The following RERE variants were observed in gnomAD, a reference collection of about 807,000 sequenced individuals.
RERE encodes the protein arginine-glutamic acid dipeptide repeats protein.
In RERE, 40 loss-of-function variants were observed where a neutral mutation model predicts 146.1. The observed-to-expected ratio is 0.27, with a 90% CI of 0.21 to 0.36. RERE has a LOEUF of 0.36. RERE is among the 10% of genes least tolerant of loss of function. The probability of loss-of-function intolerance (pLI) is 1.00; values close to 1 mark genes in which losing one functional copy is unlikely to be tolerated. For synonymous variants in RERE, 1,003 were observed against 866.0 expected, an observed-to-expected ratio of 1.16 and a Z score of -2.78; for missense variants, 1,933 against 2,138.7, an observed-to-expected ratio of 0.90 and a Z score of 1.90.
intron 2 of RERE, among the ~76,000 whole-genome samples, chr1:8,645,551 A>C (rs1455998932): frequency 6.6e-6 from 1 of 152,180 alleles, no homozygotes; most frequent in South Asian, 2.1e-4. Flanking sequence ...AATCACCTGG[A>C]CATCTTATTA....
chr1:8,746,918 G>C (rs1310013217), intron 1 of RERE, among the ~76,000 whole-genome samples: 5 of 150,392 alleles, frequency 3.3e-5, no homozygotes, highest in African/African-American at 7.3e-5. Flanking sequence ...GGGAGAGAGA[G>C]ACAGAGCCAG....
chr1:8,513,449 A>G (rs976695413), intron 7 of RERE, among the ~76,000 whole-genome samples: 2 of 152,250 alleles, frequency 1.3e-5, no homozygotes, highest in Non-Finnish European at 2.9e-5. Context: ...TGAAGATAAT[A>G]CAGCCTAACA....
intron 4 of RERE, among the ~76,000 whole-genome samples, chr1:8,600,955 C>T (rs1482349082): frequency 2.0e-5 from 3 of 147,206 alleles, no homozygotes; most frequent in Admixed American, 6.9e-5. Flanking sequence ...GGGGTTTCAC[C>T]GTGTTAGCCA....
chr1:8,385,917 G>A (rs1642623870), intron 12 of RERE, among the ~76,000 whole-genome samples: 1 of 131,472 alleles, frequency 7.6e-6, no homozygotes, highest in South Asian at 2.5e-4. Flanking sequence ...TGCAGTGAGT[G>A]GAGATCGCAC....
At chr1:8,537,484 G>T (rs947379159) in intron 7 of RERE, among the ~76,000 whole-genome samples, 8 of 152,234 alleles carry the variant, frequency 5.3e-5, no homozygotes, top group African/African-American at 1.9e-4. Flanking sequence ...GTTCAGGTTA[G>T]GTTCAGCCAT....
At chr1:8,362,917 C>CA in intron 15 of RERE, 73 bp from the exon 16 acceptor site, 2 of 1,530,978 alleles carry the variant, frequency 1.3e-6, no homozygotes, top group South Asian at 2.5e-5. Context: ...GCCCAACCCA[C>CA]AGGCAGAAGC....
At chr1:8,793,433 C>G (rs970817954) in intron 1 of RERE, among the ~76,000 whole-genome samples, 15 of 152,136 alleles carry the variant, frequency 9.9e-5, no homozygotes, top group Non-Finnish European at 1.8e-4. Flanking sequence ...CAAAGCCAGT[C>G]CCACAACAAC....
At position 8,557,522 on chromosome 1, in the gene RERE, C is replaced by T. The variant is rs915953997; in HGVS notation, c.524G>A (p.Ser175Asn). 2 of 1,600,634 alleles carry T rather than the reference C, an allele frequency of 1.2e-6. No individual in the cohort carries two copies. Among genetic ancestry groups the T allele is most frequent in the Non-Finnish European group, 1.7e-6 (2 of 1,167,694 alleles). The change falls in exon 5 of 23, where the codon AGT becomes AAT. Residue 175 changes from serine (S) to asparagine (N), a missense_variant and splice_region_variant. By Grantham distance (46) the Ser-to-Asn change is conservative. Transcript: ENST00000400908. The stretch of plus-strand genomic sequence containing the variant: ...GTTCATGAGGAGATGGTCCCTCTTA[C>T]TCTGAAAAGGAAAATCTAACAGCAT... Reference protein sequence around the residue: ...LSEAGRGPVGSKRDHLLMNVK... With the variant: ...LSEAGRGPVGNKRDHLLMNVK...
chr1:8,496,702 G>A (rs1259453167), intron 9 of RERE, among the ~76,000 whole-genome samples: 2 of 152,198 alleles, frequency 1.3e-5, no homozygotes, highest in South Asian at 2.1e-4. Flanking sequence ...TGTGAGGAGC[G>A]AATTCACACT....
In RERE at chr1:8,454,710, C is replaced by T. The variant is rs573287631; in HGVS notation, c.1203+11215G>A. Reference sequence around the variant, plus strand: ...ATCCCAGCTACTTGGAAGGCTGGGGCGGGAGGATCGCTTGAACCTGGGAGG... The same window carrying T: ...ATCCCAGCTACTTGGAAGGCTGGGGTGGGAGGATCGCTTGAACCTGGGAGG... On this transcript the variant is annotated intron_variant, in intron 11 of 22. Coordinates refer to ENST00000400908, the MANE Select transcript of RERE (RefSeq NM_001042681.2). 3.9e-5 allele frequency among the ~76,000 whole-genome samples: 6 copies of T among 151,964 alleles called. No homozygotes were observed. In the East Asian group the frequency reaches 9.7e-4, roughly 25 times the overall value.
At chr1:8,699,279 CCAGGTAT>C (rs774886915) in intron 1 of RERE, among the ~76,000 whole-genome samples, 6 of 152,026 alleles carry the variant, frequency 3.9e-5, no homozygotes, top group Non-Finnish European at 7.4e-5. Context: ...ATAACTTACC[CCAGGTAT>C]CACAGTGAGT....
At chr1:8,623,602 T>C (rs1474371980) in intron 3 of RERE, among the ~76,000 whole-genome samples, 3 of 152,210 alleles carry the variant, frequency 2.0e-5, no homozygotes, top group Non-Finnish European at 4.4e-5. Context: ...CTTAGCATGT[T>C]TATTTGCAGA....
At chr1:8,446,901 A>C (rs1046000230) in intron 11 of RERE, among the ~76,000 whole-genome samples, 2 of 151,154 alleles carry the variant, frequency 1.3e-5, no homozygotes, top group Non-Finnish European at 2.9e-5. Context: ...GGATGGTCTC[A>C]ATCTCCTGAC....
chr1:8,442,934 G>A (rs560701733), intron 11 of RERE, among the ~76,000 whole-genome samples: 41 of 152,340 alleles, frequency 2.7e-4, no homozygotes, highest in African/African-American at 9.6e-4. Context: ...AAAGATGGCT[G>A]TGTTGTGTTT....
chr1:8,501,884 G>C (rs1645165723), intron 8 of RERE, among the ~76,000 whole-genome samples: 1 of 104,322 alleles, frequency 9.6e-6, no homozygotes, highest in African/African-American at 3.7e-5. Flanking sequence ...CGGGAGGCAG[G>C]TGGGGGGGGT....
Position 8,410,576 on chromosome 1 carries a change from T to C in RERE, c.1284+12151A>G, listed in dbSNP as rs139383548. Among the ~76,000 whole-genome samples, 696 of 152,346 alleles carry C rather than the reference T, an allele frequency of 4.6e-3. 3 individuals are homozygous for C. Among genetic ancestry groups the C allele is most frequent in the African/African-American group, 0.015 (621 of 41,578 alleles). On this transcript the variant is annotated intron_variant, in intron 12 of 22. Coordinates refer to ENST00000400908, the MANE Select transcript of RERE (RefSeq NM_001042681.2). ...CAATGGCTTCATTTAATGGGTTCGATGTCCCCAGTCTGCAGGAATGCTGTA... is the reference window on the plus strand; with the variant it reads ...CAATGGCTTCATTTAATGGGTTCGACGTCCCCAGTCTGCAGGAATGCTGTA...
At chr1:8,815,432 A>T (rs1047488828) in intron 1 of RERE, among the ~76,000 whole-genome samples, 1 of 152,224 alleles carries the variant, frequency 6.6e-6, no homozygotes, top group South Asian at 2.1e-4. Context: ...ACTGTCCCCA[A>T]CAAAATCAGG....
At chr1:8,575,926 G>A (rs1646289324) in intron 4 of RERE, among the ~76,000 whole-genome samples, 1 of 151,960 alleles carries the variant, frequency 6.6e-6, no homozygotes, top group Non-Finnish European at 1.5e-5. Context: ...TGAAAATCAG[G>A]GGAAGACTGA....
intron 10 of RERE, among the ~76,000 whole-genome samples, chr1:8,473,649 G>A (rs1046838808): frequency 1.3e-5 from 2 of 152,190 alleles, no homozygotes; most frequent in African/African-American, 4.8e-5. Flanking sequence ...ACCTTCTGCA[G>A]CCTACTGAAA....
Sources: gnomAD v4.1 joint callset for allele counts (sites outside exome capture counted in the v4.1 genomes callset) on GRCh38, gnomAD v4.1.1 for gene constraint, MANE v1.5 for transcripts, NCBI Gene and HGNC (gene_info 2026-07-23, HGNC 2026-07-21) for gene names.